The following TDRD1 variants were observed in gnomAD, a reference collection of about 807,000 sequenced individuals.
The protein encoded by TDRD1 is tudor domain containing 1.
TDRD1 carries 37 observed loss-of-function variants against 140.6 expected under a neutral mutation model. The observed-to-expected ratio is 0.26, with a 90% CI of 0.20 to 0.35. The LOEUF is 0.35. Ranked by LOEUF, TDRD1 falls within the 10% of genes least tolerant of loss-of-function variation. TDRD1 has a pLI of 1.00. For missense variants in TDRD1, 1,243 were observed against 1,393.0 expected, an observed-to-expected ratio of 0.89 and a Z score of 1.71; for synonymous variants, 506 against 475.7, an observed-to-expected ratio of 1.06 and a Z score of -0.83.
intron 14 of TDRD1, among the ~76,000 whole-genome samples, chr10:114,213,101 C>A (rs759220823): frequency 3.3e-5 from 5 of 152,130 alleles, no homozygotes; most frequent in African/African-American, 4.8e-5. Flanking sequence ...AGATGTGAGT[C>A]TGGCCATGTT....
At chr10:114,226,371 T>G (rs1464517235) in intron 22 of TDRD1, among the ~76,000 whole-genome samples, 155 bp downstream of exon 22, 2 of 152,262 alleles carry the variant, frequency 1.3e-5, no homozygotes, top group Non-Finnish European at 2.9e-5. Context: ...TCATATTCTT[T>G]ATTCTTTATC....
At chr10:114,204,782 A>G (rs201947452) in exon 10 of TDRD1, 3 of 1,605,864 alleles carry the variant, frequency 1.9e-6, no homozygotes, top group Non-Finnish European at 2.5e-6. Flanking sequence ...CAGTGATTGT[A>G]TCAAAGCTAC....
chr10:114,205,447 G>A (rs1319587264), intron 10 of TDRD1, among the ~76,000 whole-genome samples: 1 of 152,178 alleles, frequency 6.6e-6, no homozygotes, highest in African/African-American at 2.4e-5. Flanking sequence ...AATCTCTTGT[G>A]AAGTTAAGTA....
chr10:114,227,803 C>T lies in TDRD1; in HGVS notation c.3404-107C>T, dbSNP rs965340615. On this transcript the variant is annotated intron_variant, in intron 23 of 25. Transcript: ENST00000251864. The stretch of plus-strand genomic sequence containing the variant: ...ATGGATCCATCCAGGTCTTTGTAGT[C>T]GGAACCCATGCGCAAGGGGGAGAGC... The T allele has an allele frequency of 2.9e-5, 24 of 828,718 alleles. No individual in the cohort carries two copies. In the Admixed American group the frequency reaches 3.8e-4, roughly 13 times the overall value. 51.3% of individuals were successfully genotyped at this position (828,718 alleles called of 1,614,324 possible).
chr10:114,202,448 A>C lies in TDRD1; in HGVS notation c.696+150A>C, dbSNP rs2034814650. On this transcript the variant is annotated intron_variant, in intron 6 of 25. Transcript: ENST00000251864. ...ATATGTACACCATAGTGATACAATCAGGGGTTTTTGAGAATTACTTCATCT... is the reference window on the plus strand; with the variant it reads ...ATATGTACACCATAGTGATACAATCCGGGGTTTTTGAGAATTACTTCATCT... 1.9e-5 allele frequency: 10 copies of C among 529,208 alleles called. No homozygotes were observed. The East Asian group carries it at 2.9e-4, about 15-fold the overall frequency. 32.8% of individuals were successfully genotyped at this position (529,208 alleles called of 1,614,324 possible). A position where few individuals can be genotyped will look rare whatever the true frequency, so the allele number is the denominator to read the frequency against.
chr10:114,210,693 G>T, exon 12 of TDRD1: 2 of 1,612,918 alleles, frequency 1.2e-6, no homozygotes, highest in South Asian at 1.1e-5. Context: ...TTTGTGGTGT[G>T]GTTGCCCACA....
At chr10:114,191,055 A>G in intron 3 of TDRD1, 36 bp downstream of exon 3, 5 of 1,579,744 alleles carry the variant, frequency 3.2e-6, no homozygotes, top group Non-Finnish European at 4.3e-6. Context: ...TTGTTTGGGT[A>G]AAAGATTCTA....
At chr10:114,207,514 A>T (rs575962926) in intron 11 of TDRD1, among the ~76,000 whole-genome samples, 1 of 152,296 alleles carries the variant, frequency 6.6e-6, no homozygotes, top group South Asian at 2.1e-4. Flanking sequence ...TGCCTATGTG[A>T]TATGCCTAAG....
intron 10 of TDRD1, among the ~76,000 whole-genome samples, chr10:114,205,666 T>G (rs543521704): frequency 1.3e-5 from 2 of 152,268 alleles, no homozygotes; most frequent in East Asian, 3.9e-4. Context: ...GAGATCTTTT[T>G]GTTAAAATTT....
At chr10:114,178,299 G>T (rs997077399), upstream of TDRD1, among the ~76,000 whole-genome samples, 10 of 152,200 alleles carry the variant, frequency 6.6e-5, no homozygotes, top group African/African-American at 2.4e-4. Flanking sequence ...ACCAGGGAGA[G>T]CCCAGAGAAT....
chr10:114,197,514 T>C (rs1052769726), intron 3 of TDRD1, among the ~76,000 whole-genome samples: 2 of 152,202 alleles, frequency 1.3e-5, no homozygotes, highest in South Asian at 2.1e-4. Context: ...ACAATCTTTA[T>C]AGATAAATGA....
At position 114,220,775 on chromosome 10, in the gene TDRD1, A is replaced by G; in HGVS notation, c.2702A>G (p.His901Arg). ...CTGGTTTTAAAATCTGCTTCACCAC[A>G]TAAAGACTTACCAAATGACAGACTT... Residue 901 changes from histidine (H) to arginine (R), a missense_variant, in exon 19 of 26, where the codon CAT becomes CGT. Coordinates refer to ENST00000251864, the Ensembl canonical transcript of TDRD1. 2.5e-6 allele frequency: 4 copies of G among 1,611,676 alleles called. No individual in the cohort carries two copies. The East Asian group carries it at 8.9e-5, about 36-fold the overall frequency.
chr10:114,202,423 A>T, intron 6 of TDRD1, 125 bp downstream of exon 6: 1 of 609,816 alleles, frequency 1.6e-6, no homozygotes, highest in Admixed American at 3.5e-5. Context: ...TATTATATAA[A>T]TATGTACACC....
At chr10:114,188,641 G>A (rs1235325381) in intron 2 of TDRD1, among the ~76,000 whole-genome samples, 2 of 152,042 alleles carry the variant, frequency 1.3e-5, no homozygotes, top group East Asian at 1.9e-4. Context: ...GGCAGATCAC[G>A]AGGTCAGGAG....
At chr10:114,184,573 C>G (rs1042061050) in intron 1 of TDRD1, among the ~76,000 whole-genome samples, 2 of 152,244 alleles carry the variant, frequency 1.3e-5, no homozygotes, top group African/African-American at 4.8e-5. Flanking sequence ...CTCAGGAGAA[C>G]TCTGTGGCCA....
intron 25 of TDRD1, among the ~76,000 whole-genome samples, chr10:114,231,047 AC>A (rs1356157840): frequency 1.3e-5 from 2 of 152,232 alleles, no homozygotes; most frequent in African/African-American, 4.8e-5. Flanking sequence ...AGCTTGGGCA[AC>A]AGAGTGAGAC....
exon 8 of TDRD1, chr10:114,203,420 C>G: frequency 6.2e-7 from 1 of 1,611,280 alleles, no homozygotes; most frequent in South Asian, 1.1e-5. Context: ...ACCCAGGGGA[C>G]TTCTACGTGC....
At chr10:114,195,243 G>A (rs2034262567) in intron 3 of TDRD1, among the ~76,000 whole-genome samples, 1 of 152,074 alleles carries the variant, frequency 6.6e-6, no homozygotes, top group Non-Finnish European at 1.5e-5. Flanking sequence ...GTTTGTTGAG[G>A]TTTGTTTTAT....
chr10:114,226,103 A>T (rs1457758082), exon 22 of TDRD1: 1 of 1,613,768 alleles, frequency 6.2e-7, no homozygotes, highest in Admixed American at 1.7e-5. Context: ...ACTGATGTGG[A>T]AGTGCTCTAT....
Sources: allele counts gnomAD v4.1 joint callset (sites outside exome capture counted in the v4.1 genomes callset), GRCh38; gene constraint gnomAD v4.1.1; transcripts MANE v1.5; gene names NCBI Gene and HGNC (gene_info 2026-07-23, HGNC 2026-07-21).